Variants in PCDH15 observed in about 807,000 individuals in gnomAD.
PCDH15 encodes protocadherin related 15, also known as protocadherin-15.
Under a neutral mutation model 178.5 loss-of-function variants are expected in PCDH15, and 129 were observed. That is an observed-to-expected ratio of 0.72 (90% CI 0.63 to 0.84). The LOEUF (loss-of-function observed/expected upper bound fraction) is 0.84. Among genes scored for constraint, PCDH15 ranks in the 40% least tolerant of loss-of-function variants. The pLI is 0.00. For synonymous variants in PCDH15, 800 were observed against 732.0 expected (o/e 1.09, Z -1.50); for missense variants, 2,230 against 2,099.9 (o/e 1.06, Z -1.21).
chr10:54,209,052 T>C (rs2051126926), intron 10 of PCDH15, among the ~76,000 whole-genome samples: 1 of 152,032 alleles, frequency 6.6e-6, no homozygotes, highest in African/African-American at 2.4e-5. Flanking sequence ...ATATTTCACA[T>C]CTCCATAACA....
chr10:54,391,318 C>T (rs7915792), intron 3 of PCDH15, among the ~76,000 whole-genome samples: 57,361 of 151,976 alleles, frequency 0.38, 12,282 homozygotes, highest in Non-Finnish European at 0.49. Context: ...CCCACCTCCA[C>T]GAAAGGAGTT....
chr10:55,572,907 C>T (rs1194774958), intron 2 of PCDH15, among the ~76,000 whole-genome samples: 1 of 151,982 alleles, frequency 6.6e-6, no homozygotes, highest in Non-Finnish European at 1.5e-5. Flanking sequence ...AGCAAAGAAG[C>T]AATGCATGGT....
At chr10:54,192,592 G>T (rs992762504) in intron 11 of PCDH15, among the ~76,000 whole-genome samples, 1 of 151,930 alleles carries the variant, frequency 6.6e-6, no homozygotes, top group East Asian at 1.9e-4. Flanking sequence ...TACAGTACTG[G>T]AAGTTTAAAC....
intron 1 of PCDH15, among the ~76,000 whole-genome samples, chr10:54,785,042 G>A (rs1157229619): frequency 4.0e-5 from 6 of 151,612 alleles, no homozygotes; most frequent in African/African-American, 1.2e-4. Flanking sequence ...ATTTCAGAAC[G>A]GAACACAGAG....
intron 1 of PCDH15, among the ~76,000 whole-genome samples, chr10:55,180,405 C>T (rs1839612081): frequency 6.6e-6 from 1 of 152,082 alleles, no homozygotes; most frequent in Non-Finnish European, 1.5e-5. Flanking sequence ...GAGACCGTCT[C>T]ACCAGTATGT....
chr10:55,065,217 A>T (rs958586275), intron 2 of PCDH15, among the ~76,000 whole-genome samples: 8 of 152,084 alleles, frequency 5.3e-5, no homozygotes, highest in African/African-American at 1.9e-4. Context: ...TCCTGTCTAT[A>T]GCTCTGATCT....
intron 28 of PCDH15, among the ~76,000 whole-genome samples, chr10:53,852,223 AT>A (rs2132952268): frequency 6.6e-6 from 1 of 152,208 alleles, no homozygotes; most frequent in East Asian, 1.9e-4. Context: ...TTATTTGTCC[AT>A]TGTAGTTACG....
At chr10:54,778,953 T>C (rs1188075770) in intron 1 of PCDH15, among the ~76,000 whole-genome samples, 2 of 152,096 alleles carry the variant, frequency 1.3e-5, no homozygotes, top group Non-Finnish European at 2.9e-5. Context: ...TTTCATTCCT[T>C]TCCTGTTCCA....
At chr10:53,910,777 G>T (rs1449292043) in intron 25 of PCDH15, among the ~76,000 whole-genome samples, 4 of 152,148 alleles carry the variant, frequency 2.6e-5, no homozygotes, top group African/African-American at 9.7e-5. Context: ...AAAAAGATTA[G>T]ACGAATGGCT....
At chr10:54,477,369 T>C (rs2078346909) in intron 3 of PCDH15, among the ~76,000 whole-genome samples, 1 of 152,134 alleles carries the variant, frequency 6.6e-6, no homozygotes, top group Admixed American at 6.6e-5. Context: ...TATTTCTTGG[T>C]TGGGCATCCC....
At chr10:55,323,964 G>A (rs561069138), upstream of PCDH15, among the ~76,000 whole-genome samples, 245 of 152,172 alleles carry the variant, frequency 1.6e-3, no homozygotes, top group African/African-American at 5.6e-3. Flanking sequence ...GGGGATAATT[G>A]AATCATGGGG....
intron 6 of PCDH15, among the ~76,000 whole-genome samples, chr10:54,339,159 C>T (rs1941762808): frequency 6.6e-6 from 1 of 152,162 alleles, no homozygotes; most frequent in Non-Finnish European, 1.5e-5. Flanking sequence ...ATGTAAATGT[C>T]CTTAAAACAT....
rs185326421 is a variant in PCDH15, at chr10:54,023,635, C to T, written c.2221-438G>A. ...ATATATGTTTAGTAATAATGTTACA[C>T]ATTATGTTTGTTTATAATAAATAAT... On this transcript the variant is annotated intron_variant, in intron 18 of 37. Coordinates refer to ENST00000644397, the MANE Select transcript of PCDH15 (RefSeq NM_001384140.1). Among the ~76,000 whole-genome samples the T allele has an allele frequency of 3.1e-3, 460 of 148,850 alleles. 3 individuals carry two copies. The highest frequency in any genetic ancestry group is 0.01 in the African/African-American group (420 of 40,930).
chr10:55,549,178 TCCC>T (rs770100804), intron 2 of PCDH15, among the ~76,000 whole-genome samples: 12 of 151,656 alleles, frequency 7.9e-5, no homozygotes, highest in Non-Finnish European at 1.6e-4. Flanking sequence ...GTTTGTTTTT[TCCC>T]CCCCAGCAAA....
At chr10:54,574,258 C>A (rs1276152403) in intron 2 of PCDH15, among the ~76,000 whole-genome samples, 1 of 151,092 alleles carries the variant, frequency 6.6e-6, no homozygotes, top group Non-Finnish European at 1.5e-5. Flanking sequence ...AGCCAGTTTT[C>A]CCAGCACCAT....
intron 14 of PCDH15, among the ~76,000 whole-genome samples, chr10:54,150,773 T>TA (rs1237673393): frequency 6.6e-6 from 1 of 150,812 alleles, no homozygotes; most frequent in Non-Finnish European, 1.5e-5. Context: ...CTTGTGTTTT[T>TA]ATTTGTTTCT....
chr10:54,638,805 AG>A (rs2093922613), intron 2 of PCDH15, among the ~76,000 whole-genome samples: 1 of 152,126 alleles, frequency 6.6e-6, no homozygotes, highest in Non-Finnish European at 1.5e-5. Context: ...CCAACCAATG[AG>A]CGGATAAAGA....
chr10:54,438,769 A>C (rs2075605847), intron 3 of PCDH15, among the ~76,000 whole-genome samples: 1 of 152,028 alleles, frequency 6.6e-6, no homozygotes, highest in Non-Finnish European at 1.5e-5. Context: ...CCTTCTTGAA[A>C]TTGCCCCCAG....
chr10:55,607,919 C>A (rs1400665915), intron 2 of PCDH15, among the ~76,000 whole-genome samples: 1 of 151,370 alleles, frequency 6.6e-6, no homozygotes, highest in African/African-American at 2.4e-5. Context: ...AATACACACA[C>A]ACACAGAGAC....
Sources: allele counts gnomAD v4.1 joint callset (sites outside exome capture counted in the v4.1 genomes callset), GRCh38; gene constraint gnomAD v4.1.1; transcripts MANE v1.5; gene names NCBI Gene and HGNC (gene_info 2026-07-23, HGNC 2026-07-21).